Variants in KIAA0825 observed in about 807,000 individuals in gnomAD.
KIAA0825 encodes KIAA0825.
Under a neutral mutation model 147.6 loss-of-function variants are expected in KIAA0825, and 119 were observed. The ratio of observed to expected loss-of-function variants is 0.81; its 90% CI spans 0.69 to 0.94. The LOEUF (loss-of-function observed/expected upper bound fraction) is 0.94, where lower values mean the gene tolerates loss of function less well. Ranked by LOEUF, KIAA0825 falls within the 40% of genes least tolerant of loss-of-function variation. KIAA0825 has a pLI of 0.00. For synonymous variants in KIAA0825, 470 were observed against 518.1 expected, an observed-to-expected ratio of 0.91 and a Z score of 1.26; for missense variants, 1,381 against 1,472.7, an observed-to-expected ratio of 0.94 and a Z score of 1.02.
intron 20 of KIAA0825, among the ~76,000 whole-genome samples, chr5:94,162,146 A>G (rs1767645862): frequency 6.6e-6 from 1 of 152,178 alleles, no homozygotes; most frequent in Admixed American, 6.5e-5. Context: ...TTAACTTGAT[A>G]CTTTTAAAGA....
chr5:94,329,284 C>G (rs575031577), intron 20 of KIAA0825, among the ~76,000 whole-genome samples: 1 of 151,710 alleles, frequency 6.6e-6, no homozygotes, highest in South Asian at 2.1e-4. Context: ...ATTGGTGTCC[C>G]TAAAGAAAAG....
intron 13 of KIAA0825, among the ~76,000 whole-genome samples, chr5:94,446,212 C>A (rs1757703565): frequency 6.6e-6 from 1 of 152,140 alleles, no homozygotes. Flanking sequence ...TTTATTCATT[C>A]ATTCAACTAA....
intron 20 of KIAA0825, among the ~76,000 whole-genome samples, chr5:94,197,198 T>A (rs1367008472): frequency 6.6e-6 from 1 of 152,208 alleles, no homozygotes; most frequent in African/African-American, 2.4e-5. Context: ...TGGTTTTGAT[T>A]TGCATTTCTT....
intron 20 of KIAA0825, among the ~76,000 whole-genome samples, chr5:94,157,782 T>C (rs542333143): frequency 6.6e-6 from 1 of 152,256 alleles, no homozygotes; most frequent in East Asian, 1.9e-4. Flanking sequence ...TAGAATCTTA[T>C]ATTTGGGGAG....
In KIAA0825 at chr5:94,425,448, C is replaced by A. The variant is rs576274489; in HGVS notation, c.2498-8083G>T. On this transcript the variant is annotated intron_variant, in intron 14 of 20. Coordinates refer to ENST00000682413, the MANE Select transcript of KIAA0825 (RefSeq NM_001145678.3). ...ATACAGTATCCCTTTGTGATAAAAT[C>A]TCTCAACAGGCCAGGCATGGAAGCT... is the stretch of plus-strand genomic sequence containing the variant. Among the ~76,000 whole-genome samples the A allele has an allele frequency of 1.9e-3, 294 of 152,190 alleles. 1 individual carries two copies. Among genetic ancestry groups the A allele is most frequent in the African/African-American group, 6.9e-3 (286 of 41,518 alleles).
At chr5:94,334,222 C>T (rs1353968673) in intron 20 of KIAA0825, among the ~76,000 whole-genome samples, 1 of 152,138 alleles carries the variant, frequency 6.6e-6, no homozygotes, top group African/African-American at 2.4e-5. Context: ...CTTCGCTACT[C>T]CTGTTCAACA....
chr5:94,601,922 T>C (rs1786534561), intron 1 of KIAA0825, among the ~76,000 whole-genome samples: 4 of 152,188 alleles, frequency 2.6e-5, no homozygotes, highest in Admixed American at 2.6e-4. Context: ...GACTGACTGG[T>C]GTACCTGAAA....
At chr5:94,260,015 T>A (rs189132439) in intron 20 of KIAA0825, among the ~76,000 whole-genome samples, 2 of 152,226 alleles carry the variant, frequency 1.3e-5, no homozygotes, top group Admixed American at 1.3e-4. Flanking sequence ...GTTACATGCA[T>A]GTCCATAGAT....
intron 20 of KIAA0825, among the ~76,000 whole-genome samples, chr5:94,356,045 T>A (rs1784210386): frequency 6.6e-6 from 1 of 152,222 alleles, no homozygotes; most frequent in Non-Finnish European, 1.5e-5. Flanking sequence ...CCCAAGATTC[T>A]GCCTTTCCAA....
rs547412987 is a variant in KIAA0825, at chr5:94,279,693, C to A, written c.3710+104675G>T. Among the ~76,000 whole-genome samples, 12 of 152,060 alleles carry A rather than the reference C, an allele frequency of 7.9e-5. No homozygotes were observed. The East Asian group carries it at 2.1e-3, about 27-fold the overall frequency. ...TTCCATACTCTTCCCTACTGAATGC[C>A]TATTCTTTGCCAGACATTATGCTAG... On this transcript the variant is annotated intron_variant, in intron 20 of 20. Coordinates refer to ENST00000682413, the MANE Select transcript of KIAA0825 (RefSeq NM_001145678.3).
chr5:94,588,720 T>A (rs986372977), intron 1 of KIAA0825, among the ~76,000 whole-genome samples: 13 of 152,210 alleles, frequency 8.5e-5, no homozygotes, highest in Non-Finnish European at 2.9e-5. Flanking sequence ...ATCATGGTAC[T>A]ATAGAGACAC....
chr5:94,437,062 G>A (rs1756471962), intron 14 of KIAA0825, among the ~76,000 whole-genome samples: 1 of 152,058 alleles, frequency 6.6e-6, no homozygotes, highest in Non-Finnish European at 1.5e-5. Flanking sequence ...TGATAGTTAT[G>A]TTGCTTGAAA....
At chr5:94,197,149 T>C (rs774848062) in intron 20 of KIAA0825, among the ~76,000 whole-genome samples, 25 of 152,238 alleles carry the variant, frequency 1.6e-4, no homozygotes, top group Non-Finnish European at 2.9e-4. Flanking sequence ...GACTTTTTAA[T>C]AATAGCCATT....
At chr5:94,377,285 G>A (rs1747721349) in intron 20 of KIAA0825, among the ~76,000 whole-genome samples, 1 of 152,172 alleles carries the variant, frequency 6.6e-6, no homozygotes, top group African/African-American at 2.4e-5. Context: ...AAACTCATAT[G>A]CAGTATATTC....
At chr5:94,327,988 G>C (rs371458607) in intron 20 of KIAA0825, among the ~76,000 whole-genome samples, 1 of 152,190 alleles carries the variant, frequency 6.6e-6, no homozygotes, top group East Asian at 1.9e-4. Flanking sequence ...CCTGGTGACA[G>C]AGCTAGACTC....
At chr5:94,534,516 G>A (rs546319334) in intron 3 of KIAA0825, among the ~76,000 whole-genome samples, 9 of 152,168 alleles carry the variant, frequency 5.9e-5, no homozygotes, top group East Asian at 3.9e-4. Context: ...ACTTGAAGAC[G>A]TTCTGCTCTA....
intron 20 of KIAA0825, among the ~76,000 whole-genome samples, chr5:94,200,946 C>CAT (rs34842887): frequency 0.055 from 5,660 of 103,660 alleles, 223 homozygotes; most frequent in East Asian, 0.074. Flanking sequence ...AGAATTTAAA[C>CAT]ATATATATAT....
In KIAA0825 at chr5:94,169,963, C is replaced by G. The variant is rs188003770; in HGVS notation, c.3711-15839G>C. ...GCAGCCAGGATTCTAACCCAAGCAA[C>G]TGGATCCAGAGCTAATGCTCTTACC... On this transcript the variant is annotated intron_variant, in intron 20 of 20. Coordinates refer to ENST00000682413, the MANE Select transcript of KIAA0825 (RefSeq NM_001145678.3). Among the ~76,000 whole-genome samples, 16 of 152,272 alleles carry G rather than the reference C, an allele frequency of 1.1e-4. 1 individual carries two copies. The East Asian group carries it at 3.1e-3, about 29-fold the overall frequency.
At chr5:94,569,513 C>T (rs984229601) in intron 2 of KIAA0825, 7 of 409,628 alleles carry the variant, frequency 1.7e-5, no homozygotes, top group African/African-American at 2.1e-5. Context: ...GAAAAACCAT[C>T]GTTGTATTTC....
Sources: gnomAD v4.1 joint callset for allele counts (sites outside exome capture counted in the v4.1 genomes callset) on GRCh38, gnomAD v4.1.1 for gene constraint, MANE v1.5 for transcripts, NCBI Gene and HGNC (gene_info 2026-07-23, HGNC 2026-07-21) for gene names.